Variants in PDGFRA observed in about 807,000 individuals in gnomAD.
The protein encoded by PDGFRA is platelet-derived growth factor receptor alpha.
PDGFRA carries 25 observed loss-of-function variants against 121.5 expected under a neutral mutation model. The ratio of observed to expected loss-of-function variants is 0.21; its 90% CI spans 0.15 to 0.29. The LOEUF (loss-of-function observed/expected upper bound fraction) is 0.29, where lower values mean the gene tolerates loss of function less well. Ranked by LOEUF, PDGFRA falls within the 10% of genes least tolerant of loss-of-function variation. The pLI is 1.00. For missense variants in PDGFRA, 1,008 were observed against 1,345.1 expected (o/e 0.75, Z 3.92); for synonymous variants, 463 against 494.8 (o/e 0.94, Z 0.85).
intron 16 of PDGFRA, among the ~76,000 whole-genome samples, chr4:54,283,478 G>A (rs1360733004): frequency 1.3e-5 from 2 of 152,228 alleles, no homozygotes; most frequent in Admixed American, 6.5e-5. Context: ...GCAGTGTCTC[G>A]AGGCTGCACA....
intron 1 of PDGFRA, chr4:54,229,859 G>A (rs1720560974): frequency 6.6e-6 from 1 of 151,460 alleles, no homozygotes; most frequent in African/African-American, 2.4e-5. Context: ...TTTTAAATGA[G>A]TGTTTTCATT....
At position 54,280,222 on chromosome 4, in the gene PDGFRA, C is replaced by T. The variant is rs1547904; in HGVS notation, c.2157-94C>T. ...TTTACCCAGTTAGCTCCCATGCCTA[C>T]CTCAGTACCTGGCACATAATCATCA... On this transcript the variant is annotated intron_variant, in intron 15 of 22. Transcript: ENST00000257290. 0.32 allele frequency: 155,652 copies of T among 487,838 alleles called. 14,749 individuals are homozygous for T. The highest frequency in any genetic ancestry group is 0.44 in the South Asian group (15,760 of 36,060). The allele number at this position is 487,838 out of a possible 1,614,324, so 30.2% of individuals were successfully genotyped here. A position where few individuals can be genotyped will look rare whatever the true frequency, so the allele number is the denominator to read the frequency against.
intron 1 of PDGFRA, among the ~76,000 whole-genome samples, chr4:54,248,873 A>T (rs934104657): frequency 1.3e-5 from 2 of 152,170 alleles, no homozygotes; most frequent in African/African-American, 4.8e-5. Context: ...ATTTACAGGA[A>T]AAAAACAAAC....
rs1301600378 is a variant in PDGFRA, at chr4:54,296,454, C to T, written c.*1182C>T. On this transcript the variant is annotated 3_prime_UTR_variant, in exon 23 of 23. Transcript: ENST00000257290. ...TTGAATCTATGAACCTGAAAAGGGT[C>T]AGAAGGATGCCCAGACATCAGCCTC... 3 of 213,562 alleles carry T rather than the reference C, an allele frequency of 1.4e-5. No individual in the cohort carries two copies. The highest frequency in any genetic ancestry group is 2.8e-5 in the Non-Finnish European group (3 of 106,616). The allele number at this position is 213,562 out of a possible 1,614,324, so 13.2% of individuals were successfully genotyped here.
rs576890188 is a variant in PDGFRA, at chr4:54,263,788, C to G, written c.489C>G (p.Asn163Lys). The G allele has an allele frequency of 6.2e-7, 1 of 1,614,094 alleles. No homozygotes were observed. The highest frequency in any genetic ancestry group is 8.5e-7 in the Non-Finnish European group (1 of 1,180,004). The change falls in exon 4 of 23, where the codon AAC becomes AAG. Residue 163 changes from asparagine (N) to lysine (K), a missense_variant. By Grantham distance (94) the Asn-to-Lys change is moderately conservative. Transcript: ENST00000257290. Reference sequence around the variant, plus strand: ...CCGAGACTCCTGTAACCTTACACAACAGTGAGGGGGTGGTACCTGCCTCCT... The same window carrying G: ...CCGAGACTCCTGTAACCTTACACAAGAGTGAGGGGGTGGTACCTGCCTCCT... Reference protein sequence around the residue: ...TDPETPVTLHNSEGVVPASYD... With the variant: ...TDPETPVTLHKSEGVVPASYD...
At chr4:54,233,623 G>T (rs1310558357) in intron 1 of PDGFRA, among the ~76,000 whole-genome samples, 6 of 152,248 alleles carry the variant, frequency 3.9e-5, no homozygotes, top group Admixed American at 3.3e-4. Context: ...TGGACTCCTC[G>T]CAGGCTCTGT....
At chr4:54,233,087 C>G (rs943242641) in intron 1 of PDGFRA, among the ~76,000 whole-genome samples, 10 of 152,208 alleles carry the variant, frequency 6.6e-5, no homozygotes, top group African/African-American at 2.4e-4. Flanking sequence ...CGCCCGGCCC[C>G]CTCTCGGGTC....
At chr4:54,271,934 C>CTCCTTCCT (rs368158132) in intron 8 of PDGFRA, among the ~76,000 whole-genome samples, 4 of 59,762 alleles carry the variant, frequency 6.7e-5, no homozygotes, top group Non-Finnish European at 9.1e-5. Context: ...TTTCCTTTCT[C>CTCCTTCCT]TCCTTCCTTC....
intron 1 of PDGFRA, among the ~76,000 whole-genome samples, chr4:54,257,681 A>G (rs903314150): frequency 1.2e-4 from 18 of 152,274 alleles, no homozygotes; most frequent in African/African-American, 4.1e-4. Context: ...CTTCTCACTG[A>G]CTTCACCAGT....
At chr4:54,273,468 TC>T (rs1001862330) in intron 9 of PDGFRA, 68 bp from the exon 10 acceptor site, 9 of 1,227,048 alleles carry the variant, frequency 7.3e-6, no homozygotes, top group African/African-American at 1.5e-5. Flanking sequence ...CTTAGAGTGT[TC>T]CCGTGGCTCC....
At chr4:54,272,017 C>G (rs1397599862) in intron 8 of PDGFRA, among the ~76,000 whole-genome samples, 1 of 103,646 alleles carries the variant, frequency 9.6e-6, no homozygotes, top group Admixed American at 1.2e-4. Flanking sequence ...CCCTCCCCTT[C>G]CCTTCCCTTC....
chr4:54,276,745 A>G (rs1261583456), intron 12 of PDGFRA: 1 of 153,312 alleles, frequency 6.5e-6, no homozygotes, highest in African/African-American at 2.4e-5. Flanking sequence ...CCGTGGTGAG[A>G]CTGACACCCC....
intron 4 of PDGFRA, chr4:54,264,616 G>C (rs1221500467): frequency 2.8e-6 from 1 of 354,932 alleles, no homozygotes; most frequent in African/African-American, 2.1e-5. Context: ...AAATTTATTA[G>C]TCAAGGAGAT....
In PDGFRA at chr4:54,258,786, G is replaced by C. The variant is rs753179440; in HGVS notation, c.18G>C (p.Pro6=). Residue 6 remains proline (P), a synonymous_variant, in exon 2 of 23, where the codon CCG becomes CCC. Transcript: ENST00000257290. MGTSH[P]AFLVLGCLLT... The stretch of plus-strand genomic sequence containing the variant: ...CCAGAGCTATGGGGACTTCCCATCC[G>C]GCGTTCCTGGTCTTAGGCTGTCTTC... 25 of 1,613,574 alleles carry C rather than the reference G, an allele frequency of 1.5e-5. No homozygotes were observed. The East Asian group carries it at 3.1e-4, about 20-fold the overall frequency.
chr4:54,261,641 G>A (rs1037024796), intron 3 of PDGFRA, among the ~76,000 whole-genome samples: 4 of 151,808 alleles, frequency 2.6e-5, no homozygotes, highest in Non-Finnish European at 5.9e-5. Context: ...GACATGTCCT[G>A]TATTGATACT....
At chr4:54,260,309 A>C (rs1722615913) in intron 2 of PDGFRA, among the ~76,000 whole-genome samples, 1 of 152,166 alleles carries the variant, frequency 6.6e-6, no homozygotes, top group Non-Finnish European at 1.5e-5. Flanking sequence ...GAGGGCTATA[A>C]GAAATGGAAG....
At position 54,297,192 on chromosome 4, in the gene PDGFRA, C is replaced by A. The variant is rs1724919124; in HGVS notation, c.*1920C>A. 4.3e-6 allele frequency: 1 copy of A among 233,522 alleles called. No individual in the cohort carries two copies. The allele number at this position is 233,522 out of a possible 1,614,324, so 14.5% of individuals were successfully genotyped here. On this transcript the variant is annotated 3_prime_UTR_variant, in exon 23 of 23. Coordinates refer to ENST00000257290, the MANE Select transcript of PDGFRA (RefSeq NM_006206.6). ...AAACAGGTTGGTGTGGGTTCATTGG[C>A]ATTCTTTGCAATACTGCTTAATTGC...
chr4:54,279,086 A>G, intron 15 of PDGFRA: 1 of 315,382 alleles, frequency 3.2e-6, no homozygotes, highest in Non-Finnish European at 6.4e-6. Flanking sequence ...TGCCCAAGCC[A>G]CATGGCCACA....
At chr4:54,240,026 T>A (rs1386662181) in intron 1 of PDGFRA, 1 of 397,656 alleles carries the variant, frequency 2.5e-6, no homozygotes, top group East Asian at 8.7e-5. Flanking sequence ...AAATTTTGTA[T>A]TTTTTTTGTA....
Sources: allele counts gnomAD v4.1 joint callset (sites outside exome capture counted in the v4.1 genomes callset), GRCh38; gene constraint gnomAD v4.1.1; transcripts MANE v1.5; gene names NCBI Gene and HGNC (gene_info 2026-07-23, HGNC 2026-07-21).